Variants in RBFOX1 observed in about 807,000 individuals in gnomAD.
The protein encoded by RBFOX1 is RNA binding protein fox-1 homolog 1.
RBFOX1 carries 8 observed loss-of-function variants against 57.7 expected under a neutral mutation model. That is an observed-to-expected ratio of 0.14 (90% CI 0.08 to 0.25). The LOEUF (loss-of-function observed/expected upper bound fraction) is 0.25, where lower values mean the gene tolerates loss of function less well. RBFOX1 is among the 10% of genes least tolerant of loss of function. RBFOX1 has a pLI of 1.00. For missense variants in RBFOX1, 611 were observed against 548.5 expected, an observed-to-expected ratio of 1.11 and a Z score of -1.14; for synonymous variants, 326 against 222.4, an observed-to-expected ratio of 1.47 and a Z score of -4.15.
intron 1 of RBFOX1, among the ~76,000 whole-genome samples, chr16:6,051,323 G>A (rs1431993265): frequency 2.0e-5 from 3 of 151,744 alleles, no homozygotes; most frequent in Non-Finnish European, 4.4e-5. Flanking sequence ...AGAGTTCAGA[G>A]TTTTCTTTCT....
In RBFOX1 at chr16:7,708,978, G is replaced by C. The variant is rs187196062; in HGVS notation, c.996-78G>C. ...GAGTAGGGCCCCTGCATACTGTCTT[G>C]GTATTTTGGATTTTATGATTGTTAT... On this transcript the variant is annotated intron_variant, in intron 14 of 15. Coordinates refer to ENST00000550418, the MANE Select transcript of RBFOX1 (RefSeq NM_018723.4). 2,043 of 1,365,802 alleles carry C rather than the reference G, an allele frequency of 1.5e-3. 4 individuals are homozygous for C. Among genetic ancestry groups the C allele is most frequent in the Non-Finnish European group, 1.9e-3 (1,813 of 957,416 alleles). The allele number at this position is 1,365,802 out of a possible 1,614,324, so 84.6% of individuals were successfully genotyped here. A position where few individuals can be genotyped will look rare whatever the true frequency, so the allele number is the denominator to read the frequency against.
At chr16:5,981,426 G>A in intron 4 of RBFOX1, among the ~76,000 whole-genome samples, 1 of 152,066 alleles carries the variant, frequency 6.6e-6, no homozygotes, top group Non-Finnish European at 1.5e-5. Context: ...GGAAACTATT[G>A]GATTAGATTA....
chr16:7,261,977 C>T (rs2094936177), intron 4 of RBFOX1, among the ~76,000 whole-genome samples: 1 of 152,160 alleles, frequency 6.6e-6, no homozygotes, highest in Non-Finnish European at 1.5e-5. Context: ...GTTAAATCAT[C>T]CTAACTTTTT....
At chr16:5,501,316 T>TAA (rs2043187000) in intron 2 of RBFOX1, among the ~76,000 whole-genome samples, 1 of 26,400 alleles carries the variant, frequency 3.8e-5, no homozygotes, top group East Asian at 5.9e-4. Flanking sequence ...AGACTCTGTC[T>TAA]ACAAAAAAAA....
intron 4 of RBFOX1, among the ~76,000 whole-genome samples, chr16:5,969,325 G>GTTTTTTTTTTTTTTTTTTTTC (rs1392384342): frequency 8.3e-6 from 1 of 120,648 alleles, no homozygotes; most frequent in Non-Finnish European, 1.6e-5. Context: ...TTTTTTTTTG[G>GTTTTTTTTTTTTTTTTTTTTC]TTTGGAAATG....
intron 4 of RBFOX1, among the ~76,000 whole-genome samples, chr16:7,180,727 A>C (rs2082534088): frequency 6.9e-6 from 1 of 145,786 alleles, no homozygotes; most frequent in Non-Finnish European, 1.5e-5. Context: ...AAAAAAAAAA[A>C]AACCTGCCAG....
chr16:6,801,784 GA>G, intron 3 of RBFOX1, among the ~76,000 whole-genome samples: 1 of 152,210 alleles, frequency 6.6e-6, no homozygotes, highest in Non-Finnish European at 1.5e-5. Flanking sequence ...TTGCCAGACC[GA>G]CTCAAAATTA....
intron 1 of RBFOX1, among the ~76,000 whole-genome samples, chr16:6,101,571 C>A (rs2096309055): frequency 6.6e-6 from 1 of 152,102 alleles, no homozygotes; most frequent in Non-Finnish European, 1.5e-5. Context: ...ACTGCAACCT[C>A]CACCTCCCAG....
chr16:7,441,476 G>A lies in RBFOX1; in HGVS notation c.28-76671G>A, dbSNP rs72771159. On this transcript the variant is annotated intron_variant, in intron 4 of 15. Coordinates refer to ENST00000550418, the MANE Select transcript of RBFOX1 (RefSeq NM_018723.4). ...TCTAGGGATTCATGGATGTGCCAGC[G>A]TCACTGGGTAGTGGTAAAAACTAAA... Among the ~76,000 whole-genome samples, 416 of 152,232 alleles carry A rather than the reference G, an allele frequency of 2.7e-3. 1 individual carries two copies. Among genetic ancestry groups the A allele is most frequent in the African/African-American group, 7.5e-3 (310 of 41,542 alleles).
intron 4 of RBFOX1, among the ~76,000 whole-genome samples, chr16:7,258,487 G>A (rs538216475): frequency 6.6e-6 from 1 of 151,918 alleles, no homozygotes; most frequent in Non-Finnish European, 1.5e-5. Context: ...CTCTGTCAAG[G>A]GGGGAGGCGA....
chr16:5,565,366 C>G (rs1233440180), intron 2 of RBFOX1, among the ~76,000 whole-genome samples: 1 of 152,148 alleles, frequency 6.6e-6, no homozygotes, highest in Non-Finnish European at 1.5e-5. Context: ...TGGCTCACTC[C>G]TGTAATCCCA....
chr16:6,780,582 ATT>A (rs1567218906), intron 3 of RBFOX1, among the ~76,000 whole-genome samples: 2 of 139,288 alleles, frequency 1.4e-5, no homozygotes, highest in African/African-American at 5.3e-5. Context: ...TTATATATAT[ATT>A]TATATATATA....
intron 12 of RBFOX1, among the ~76,000 whole-genome samples, chr16:7,654,661 T>C (rs1411545636): frequency 6.6e-6 from 1 of 151,690 alleles, no homozygotes; most frequent in Non-Finnish European, 1.5e-5. Context: ...ATGATACTGG[T>C]GTGTTTGGTG....
chr16:6,474,380 C>T (rs1308744760), intron 2 of RBFOX1, among the ~76,000 whole-genome samples: 1 of 152,118 alleles, frequency 6.6e-6, no homozygotes, highest in Non-Finnish European at 1.5e-5. Context: ...TCCTGTCAGT[C>T]GCCCAAACGG....
intron 4 of RBFOX1, among the ~76,000 whole-genome samples, chr16:5,893,992 G>T (rs1475716332): frequency 1.3e-5 from 2 of 152,124 alleles, no homozygotes; most frequent in African/African-American, 4.8e-5. Context: ...AGGAGGGGAG[G>T]GAATCAAGGC....
chr16:5,744,734 G>A (rs1186195056), intron 3 of RBFOX1, among the ~76,000 whole-genome samples: 1 of 152,176 alleles, frequency 6.6e-6, no homozygotes, highest in Non-Finnish European at 1.5e-5. Flanking sequence ...TTGTGATTAA[G>A]TGACGTGATT....
chr16:5,589,151 TCCAGGACCCACTGTAA>T (rs2046927301), intron 2 of RBFOX1, among the ~76,000 whole-genome samples: 1 of 152,156 alleles, frequency 6.6e-6, no homozygotes, highest in Admixed American at 6.5e-5. Context: ...ATCTGCTGGG[TCCAGGACCCACTGTAA>T]GAAGCTGTTG....
intron 3 of RBFOX1, among the ~76,000 whole-genome samples, chr16:6,792,865 CT>C: frequency 6.6e-6 from 1 of 151,928 alleles, no homozygotes; most frequent in Non-Finnish European, 1.5e-5. Context: ...CCTGTCTCTA[CT>C]AAAAATACAA....
intron 1 of RBFOX1, among the ~76,000 whole-genome samples, chr16:5,294,454 T>A (rs568428110): frequency 6.6e-6 from 1 of 152,274 alleles, no homozygotes; most frequent in South Asian, 2.1e-4. Flanking sequence ...TATGCCTTTC[T>A]GCTTACCTTC....
Sources: allele counts gnomAD v4.1 joint callset (sites outside exome capture counted in the v4.1 genomes callset), GRCh38; gene constraint gnomAD v4.1.1; transcripts MANE v1.5; gene names NCBI Gene and HGNC (gene_info 2026-07-23, HGNC 2026-07-21).